Variants in LAMA2 observed in about 807,000 individuals in gnomAD.
LAMA2 encodes the protein laminin subunit alpha 2.
Under a neutral mutation model 364.8 loss-of-function variants are expected in LAMA2, and 269 were observed. The observed-to-expected ratio is 0.74, with a 90% CI of 0.67 to 0.82. The LOEUF is 0.82. LAMA2 is among the 40% of genes least tolerant of loss of function. The probability of loss-of-function intolerance (pLI) is 0.00; values close to 1 mark genes in which losing one functional copy is unlikely to be tolerated. For missense variants in LAMA2, 3,807 were observed against 3,873.2 expected (o/e 0.98, Z 0.45); for synonymous variants, 1,379 against 1,370.6 (o/e 1.01, Z -0.14).
chr6:128,953,559 A>G (rs1486127796), intron 1 of LAMA2, among the ~76,000 whole-genome samples: 1 of 151,414 alleles, frequency 6.6e-6, no homozygotes, highest in Non-Finnish European at 1.5e-5. Flanking sequence ...TGTCTGTAGT[A>G]TGTATATTTG....
intron 1 of LAMA2, among the ~76,000 whole-genome samples, chr6:129,037,364 TG>T (rs1178582686): frequency 2.0e-5 from 3 of 152,290 alleles, no homozygotes; most frequent in African/African-American, 2.4e-5. Flanking sequence ...CATGTATTAT[TG>T]TAAACAGTAT....
At chr6:129,100,816 A>G (rs1393213675) in intron 4 of LAMA2, among the ~76,000 whole-genome samples, 2 of 152,224 alleles carry the variant, frequency 1.3e-5, no homozygotes, top group African/African-American at 4.8e-5. Context: ...CCTTGGTCAA[A>G]TGATTTAATC....
At chr6:129,022,219 A>G (rs921913919) in intron 1 of LAMA2, among the ~76,000 whole-genome samples, 2 of 152,214 alleles carry the variant, frequency 1.3e-5, no homozygotes, top group Non-Finnish European at 2.9e-5. Context: ...AGCCCAACAA[A>G]AGAAAAGAAA....
At chr6:129,448,804 A>G (rs996818122) in intron 45 of LAMA2, among the ~76,000 whole-genome samples, 1 of 152,242 alleles carries the variant, frequency 6.6e-6, no homozygotes, top group African/African-American at 2.4e-5. Flanking sequence ...AAGGATCTGC[A>G]TTAGAAATAA....
intron 14 of LAMA2, 21 bp downstream of exon 14, chr6:129,252,316 T>C (rs758406484): frequency 1.3e-6 from 2 of 1,573,018 alleles, no homozygotes; most frequent in South Asian, 1.1e-5. Context: ...GAACTGCAGC[T>C]CCAACGTTCA....
intron 12 of LAMA2, among the ~76,000 whole-genome samples, chr6:129,216,964 G>T (rs934154472): frequency 1.4e-4 from 22 of 152,240 alleles, no homozygotes; most frequent in African/African-American, 5.3e-4. Context: ...GCTGAGGCGG[G>T]TGGATCACGA....
intron 4 of LAMA2, among the ~76,000 whole-genome samples, chr6:129,103,530 T>C (rs1387486290): frequency 1.3e-5 from 2 of 152,182 alleles, no homozygotes; most frequent in Admixed American, 1.3e-4. Flanking sequence ...CAGGTACTAT[T>C]TTGCATTTAG....
chr6:129,274,051 A>G (rs1788121075), intron 17 of LAMA2, among the ~76,000 whole-genome samples: 1 of 151,956 alleles, frequency 6.6e-6, no homozygotes, highest in South Asian at 2.1e-4. Context: ...TTTAACAAGT[A>G]GAAAGAGAGG....
chr6:129,410,974 G>C (rs1375090866), intron 40 of LAMA2, among the ~76,000 whole-genome samples: 1 of 152,096 alleles, frequency 6.6e-6, no homozygotes, highest in South Asian at 2.1e-4. Context: ...CAATCTGTAA[G>C]GCAGAAAAGA....
At chr6:129,348,945 G>A (rs994475786) in intron 30 of LAMA2, among the ~76,000 whole-genome samples, 4 of 151,996 alleles carry the variant, frequency 2.6e-5, no homozygotes, top group Admixed American at 6.6e-5. Context: ...ATCAGACAAT[G>A]TGCATAAATT....
intron 35 of LAMA2, among the ~76,000 whole-genome samples, chr6:129,385,315 G>A (rs2114659562): frequency 2.2e-5 from 2 of 91,262 alleles, no homozygotes; most frequent in African/African-American, 1.8e-4. Context: ...GAAAAGGGAA[G>A]GAAGGAAGGA....
At chr6:129,101,461 A>G (rs1464563291) in intron 4 of LAMA2, among the ~76,000 whole-genome samples, 1 of 152,174 alleles carries the variant, frequency 6.6e-6, no homozygotes, top group Non-Finnish European at 1.5e-5. Context: ...GAATGCAGCT[A>G]TCCGATTACT....
At chr6:129,241,637 C>A (rs565323981) in intron 12 of LAMA2, among the ~76,000 whole-genome samples, 24 of 152,216 alleles carry the variant, frequency 1.6e-4, no homozygotes, top group African/African-American at 5.5e-4. Context: ...AAATCCACAA[C>A]CAGCTCTGGA....
chr6:128,986,815 G>A (rs1783269304), intron 1 of LAMA2, among the ~76,000 whole-genome samples: 1 of 151,890 alleles, frequency 6.6e-6, no homozygotes, highest in African/African-American at 2.4e-5. Flanking sequence ...TTGCCTGAAA[G>A]TATTTTAAAT....
At chr6:129,331,171 C>T (rs544385021) in intron 29 of LAMA2, among the ~76,000 whole-genome samples, 6 of 152,184 alleles carry the variant, frequency 3.9e-5, no homozygotes, top group Middle Eastern at 3.4e-3. Flanking sequence ...CCACTGCGCC[C>T]GGCCACCTGC....
chr6:129,280,954 T>A (rs1788672716), intron 18 of LAMA2, among the ~76,000 whole-genome samples: 1 of 152,144 alleles, frequency 6.6e-6, no homozygotes, highest in Non-Finnish European at 1.5e-5. Flanking sequence ...GGGCTGTTTC[T>A]GCCCGTCTTT....
intron 17 of LAMA2, among the ~76,000 whole-genome samples, chr6:129,277,983 C>T (rs578050343): frequency 2.2e-4 from 33 of 152,224 alleles, no homozygotes; most frequent in African/African-American, 7.9e-4. Flanking sequence ...AGGTGGATCA[C>T]TTGAGGTCAG....
intron 45 of LAMA2, 27 bp downstream of exon 45, chr6:129,445,848 G>A: frequency 1.3e-6 from 2 of 1,585,606 alleles, no homozygotes; most frequent in Non-Finnish European, 1.7e-6. Context: ...GTCAGTATCA[G>A]TAACTGATTG....
intron 1 of LAMA2, chr6:128,929,378 A>G: frequency 1.0e-6 from 1 of 999,170 alleles, no homozygotes; most frequent in Non-Finnish European, 1.6e-6. Context: ...AAAGAAGTTC[A>G]TCAGTCATGT....
Sources: gnomAD v4.1 joint callset for allele counts (sites outside exome capture counted in the v4.1 genomes callset) on GRCh38, gnomAD v4.1.1 for gene constraint, MANE v1.5 for transcripts, NCBI Gene and HGNC (gene_info 2026-07-23, HGNC 2026-07-21) for gene names.